Variants in CRIPTO observed in about 807,000 individuals in gnomAD.
CRIPTO encodes the protein protein Cripto.
the CRIPTO span, among the ~76,000 whole-genome samples, chr3:46,575,890 T>C: frequency 1.3e-5 from 2 of 151,220 alleles, no homozygotes; most frequent in African/African-American, 4.9e-5. Context: ...CCACACTGAG[T>C]AACATCTTTA....
At chr3:46,577,802 G>A in the CRIPTO span, 1 of 772,692 alleles carries the variant, frequency 1.3e-6, no homozygotes. Flanking sequence ...TCCCCTGGAC[G>A]CCTTGCTCCT....
chr3:46,580,129 A>G, the CRIPTO span: 1 of 1,603,792 alleles, frequency 6.2e-7, no homozygotes, highest in Non-Finnish European at 8.5e-7. Flanking sequence ...GTGCTTAGTT[A>G]GCAGGCTCTC....
chr3:46,580,408 C>T, the CRIPTO span, among the ~76,000 whole-genome samples: 1 of 152,070 alleles, frequency 6.6e-6, no homozygotes, highest in Admixed American at 6.5e-5. Context: ...TAGGGGGACC[C>T]AAACCAGGAT....
At chr3:46,576,676 C>T in the CRIPTO span, among the ~76,000 whole-genome samples, 103 of 152,198 alleles carry the variant, frequency 6.8e-4, no homozygotes, top group Middle Eastern at 0.01. Context: ...AAAAGTTTCG[C>T]ATTTGTGTGC....
At chr3:46,581,378 A>G in the CRIPTO span, 1 of 810,110 alleles carries the variant, frequency 1.2e-6, no homozygotes, top group South Asian at 1.4e-5. Flanking sequence ...TAATGAATAC[A>G]TTTCCAAAAT....
the CRIPTO span, chr3:46,577,333 A>AG: frequency 2.6e-5 from 4 of 154,930 alleles, no homozygotes; most frequent in Non-Finnish European, 5.7e-5. Context: ...GGTATCCCCC[A>AG]GGGGGAGTAC....
the CRIPTO span, among the ~76,000 whole-genome samples, chr3:46,580,492 C>A: frequency 1.3e-5 from 2 of 152,046 alleles, no homozygotes; most frequent in Non-Finnish European, 2.9e-5. Context: ...CCTTTAGAAA[C>A]TTCCAGAGTC....
At chr3:46,581,171 C>A in the CRIPTO span, 1 of 1,614,192 alleles carries the variant, frequency 6.2e-7, no homozygotes, top group Non-Finnish European at 8.5e-7. Context: ...GCTTCCAGGA[C>A]TCCAGAACTA....
At chr3:46,579,237 G>A in the CRIPTO span, 1 of 1,613,936 alleles carries the variant, frequency 6.2e-7, no homozygotes, top group African/African-American at 1.3e-5. Context: ...TTAAGGGCTG[G>A]GCCATCAGGA....
At chr3:46,576,691 C>T in the CRIPTO span, among the ~76,000 whole-genome samples, 5 of 152,142 alleles carry the variant, frequency 3.3e-5, no homozygotes, top group African/African-American at 1.2e-4. Context: ...GTGTGCCTGG[C>T]AACATTAAGT....
chr3:46,579,898 AG>A, the CRIPTO span: 1 of 1,614,186 alleles, frequency 6.2e-7, no homozygotes, highest in Non-Finnish European at 8.5e-7. Context: ...GGAGAGAGAA[AG>A]GGAAGTGGAA....
chr3:46,575,454 C>T, the CRIPTO span, among the ~76,000 whole-genome samples: 2 of 152,130 alleles, frequency 1.3e-5, no homozygotes, highest in East Asian at 1.9e-4. Context: ...TACCCTGGAT[C>T]CACTTGGCTT....
chr3:46,577,753 C>T, the CRIPTO span: 2 of 602,784 alleles, frequency 3.3e-6, no homozygotes, highest in Non-Finnish European at 5.9e-6. Context: ...GAGTCTCCAG[C>T]TCAAGGTCAA....
At chr3:46,576,823 C>A in the CRIPTO span, among the ~76,000 whole-genome samples, 1 of 152,226 alleles carries the variant, frequency 6.6e-6, no homozygotes, top group East Asian at 1.9e-4. Context: ...TGAGGCGACT[C>A]CGGCTCATAG....
chr3:46,578,579 G>A, the CRIPTO span, among the ~76,000 whole-genome samples: 1 of 152,072 alleles, frequency 6.6e-6, no homozygotes, highest in Admixed American at 6.6e-5. Flanking sequence ...CATGGTGGCG[G>A]GCACCTGTAA....
At chr3:46,575,004 G>C in the CRIPTO span, among the ~76,000 whole-genome samples, 1 of 152,296 alleles carries the variant, frequency 6.6e-6, no homozygotes, top group South Asian at 2.1e-4. Flanking sequence ...GATGAGATGG[G>C]CTGCCTGTGA....
At chr3:46,576,497 A>AG in the CRIPTO span, among the ~76,000 whole-genome samples, 1 of 151,012 alleles carries the variant, frequency 6.6e-6, no homozygotes, top group Admixed American at 6.6e-5. Flanking sequence ...AAAAAAAAAA[A>AG]AAAAAAAAAA....
the CRIPTO span, chr3:46,579,956 G>A: frequency 8.1e-6 from 13 of 1,614,104 alleles, no homozygotes; most frequent in African/African-American, 1.6e-4. Context: ...CTCAGGAACT[G>A]TGGGTCTGTG....
chr3:46,580,568 C>G, the CRIPTO span, among the ~76,000 whole-genome samples: 1 of 141,864 alleles, frequency 7.0e-6, no homozygotes, highest in African/African-American at 2.5e-5. Flanking sequence ...CTTACCATGA[C>G]TGGTCACAGA....
Sources: allele counts gnomAD v4.1 joint callset (sites outside exome capture counted in the v4.1 genomes callset), GRCh38; gene constraint gnomAD v4.1.1; transcripts MANE v1.5; gene names NCBI Gene and HGNC (gene_info 2026-07-23, HGNC 2026-07-21).